KCTD8: variants seen among roughly 807,000 people sequenced by gnomAD.
KCTD8 encodes the protein BTB/POZ domain-containing protein KCTD8.
KCTD8 carries 27 observed loss-of-function variants against 31.5 expected under a neutral mutation model. The ratio of observed to expected loss-of-function variants is 0.86; its 90% CI spans 0.63 to 1.18. The LOEUF is 1.18. Among genes scored for constraint, KCTD8 ranks in the 50% most tolerant of loss-of-function variants. KCTD8 has a pLI of 0.00. For missense variants in KCTD8, 658 were observed against 647.7 expected (o/e 1.02, Z -0.17); for synonymous variants, 290 against 280.0 (o/e 1.04, Z -0.36).
At chr4:44,421,573 T>C (rs1196325623) in intron 1 of KCTD8, among the ~76,000 whole-genome samples, 1 of 152,122 alleles carries the variant, frequency 6.6e-6, no homozygotes, top group Non-Finnish European at 1.5e-5. Context: ...TTATGATATT[T>C]ACTGAGTGTG....
chr4:44,203,920 G>A (rs549982090), intron 1 of KCTD8, among the ~76,000 whole-genome samples: 3 of 151,510 alleles, frequency 2.0e-5, no homozygotes, highest in East Asian at 3.9e-4. Context: ...AAAGAAATGA[G>A]AAATAATTTC....
intron 1 of KCTD8, among the ~76,000 whole-genome samples, chr4:44,324,376 T>A (rs1289054179): frequency 6.6e-6 from 1 of 152,014 alleles, no homozygotes; most frequent in Non-Finnish European, 1.5e-5. Context: ...TCTTTTGATA[T>A]TTTACTGTCT....
intron 1 of KCTD8, among the ~76,000 whole-genome samples, chr4:44,382,024 T>C (rs755424874): frequency 1.3e-5 from 2 of 152,092 alleles, no homozygotes; most frequent in Non-Finnish European, 2.9e-5. Flanking sequence ...CAAGAGAATA[T>C]AATAAATTGC....
chr4:44,253,887 C>T (rs1429279284), intron 1 of KCTD8, among the ~76,000 whole-genome samples: 1 of 151,878 alleles, frequency 6.6e-6, no homozygotes, highest in Non-Finnish European at 1.5e-5. Flanking sequence ...TGGGGTGCTG[C>T]TGTAACCAAA....
intron 1 of KCTD8, among the ~76,000 whole-genome samples, chr4:44,246,479 A>G (rs1279119537): frequency 2.0e-5 from 3 of 151,990 alleles, no homozygotes; most frequent in Admixed American, 2.0e-4. Context: ...ATTTTTACCT[A>G]CAAATATCCT....
chr4:44,437,040 T>C (rs892642897), intron 1 of KCTD8, among the ~76,000 whole-genome samples: 1 of 147,062 alleles, frequency 6.8e-6, no homozygotes, highest in African/African-American at 2.5e-5. Flanking sequence ...TGTCCAGAAG[T>C]GCACAATGAT....
At chr4:44,427,098 CTTAT>C (rs970913832) in intron 1 of KCTD8, among the ~76,000 whole-genome samples, 2 of 151,312 alleles carry the variant, frequency 1.3e-5, no homozygotes, top group Non-Finnish European at 3.0e-5. Context: ...CATTTTAAAA[CTTAT>C]TTATGATTAC....
At position 44,414,614 on chromosome 4, in the gene KCTD8, A is replaced by G. The variant is rs7678880; in HGVS notation, c.961+32949T>C. ...TCTTCCTGCAGTCTGGTATCCAGCT[A>G]TAATCCCTTCATGTCATCTTTATTG... On this transcript the variant is annotated intron_variant, in intron 1 of 1. Coordinates refer to ENST00000360029, the MANE Select transcript of KCTD8 (RefSeq NM_198353.3). Among the ~76,000 whole-genome samples, 593 of 152,308 alleles carry G rather than the reference A, an allele frequency of 3.9e-3. 3 individuals carry two copies. Among genetic ancestry groups the G allele is most frequent in the African/African-American group, 0.014 (566 of 41,566 alleles).
chr4:44,401,011 C>CT (rs59602420), intron 1 of KCTD8, among the ~76,000 whole-genome samples: 35,050 of 96,142 alleles, frequency 0.36, 6,927 homozygotes, highest in East Asian at 0.51. Context: ...AATTTTCTTT[C>CT]TTTTTTTTTT....
chr4:44,353,975 C>A (rs1350623293), intron 1 of KCTD8, among the ~76,000 whole-genome samples: 2 of 151,972 alleles, frequency 1.3e-5, no homozygotes, highest in Non-Finnish European at 2.9e-5. Flanking sequence ...AATTGGTAAC[C>A]CTGCAACCAA....
intron 1 of KCTD8, among the ~76,000 whole-genome samples, chr4:44,202,630 AG>A (rs1480892304): frequency 6.6e-6 from 1 of 152,082 alleles, no homozygotes; most frequent in Non-Finnish European, 1.5e-5. Flanking sequence ...CTACTAGAGT[AG>A]GGAAGGAGGG....
At chr4:44,324,044 T>TAAAAAAAAAA (rs34203587) in intron 1 of KCTD8, among the ~76,000 whole-genome samples, 1 of 117,186 alleles carries the variant, frequency 8.5e-6, no homozygotes, top group Non-Finnish European at 1.8e-5. Context: ...AAAGTATAAT[T>TAAAAAAAAAA]AAAAAAAAAA....
intron 1 of KCTD8, among the ~76,000 whole-genome samples, chr4:44,392,805 A>G (rs1159534695): frequency 1.3e-5 from 2 of 152,074 alleles, no homozygotes; most frequent in Non-Finnish European, 2.9e-5. Flanking sequence ...TAGCTTCATC[A>G]TAATTTCTGT....
chr4:44,311,618 A>G (rs1170695343), intron 1 of KCTD8, among the ~76,000 whole-genome samples: 1 of 152,072 alleles, frequency 6.6e-6, no homozygotes, highest in African/African-American at 2.4e-5. Context: ...CCAAGTGAAG[A>G]TATACAGTAT....
At chr4:44,373,424 C>T (rs1719841074) in intron 1 of KCTD8, among the ~76,000 whole-genome samples, 2 of 151,824 alleles carry the variant, frequency 1.3e-5, no homozygotes, top group South Asian at 2.1e-4. Context: ...TGCCTGGGAT[C>T]AAATCCCAGC....
chr4:44,299,792 G>A (rs1431058850), intron 1 of KCTD8, among the ~76,000 whole-genome samples: 2 of 141,116 alleles, frequency 1.4e-5, no homozygotes, highest in African/African-American at 5.2e-5. Flanking sequence ...TTTTGGAGAC[G>A]GAGTCTCACT....
chr4:44,211,702 T>A (rs1327211513), intron 1 of KCTD8, among the ~76,000 whole-genome samples: 1 of 152,138 alleles, frequency 6.6e-6, no homozygotes, highest in Non-Finnish European at 1.5e-5. Flanking sequence ...CAATACAACT[T>A]TATAAGATAA....
At chr4:44,379,206 TTGGGG>T (rs1292691284) in intron 1 of KCTD8, among the ~76,000 whole-genome samples, 1 of 152,072 alleles carries the variant, frequency 6.6e-6, no homozygotes, top group Non-Finnish European at 1.5e-5. Flanking sequence ...ATGGACATCT[TTGGGG>T]GGTTATTATT....
At chr4:44,369,726 G>T (rs1017093154) in intron 1 of KCTD8, among the ~76,000 whole-genome samples, 2 of 152,072 alleles carry the variant, frequency 1.3e-5, no homozygotes, top group Non-Finnish European at 2.9e-5. Flanking sequence ...TCAGCCAGGG[G>T]GGTTGTGGCT....
Sources: allele counts gnomAD v4.1 joint callset (sites outside exome capture counted in the v4.1 genomes callset), GRCh38; gene constraint gnomAD v4.1.1; transcripts MANE v1.5; gene names NCBI Gene and HGNC (gene_info 2026-07-23, HGNC 2026-07-21).